EDARADD: variants seen among roughly 807,000 people sequenced by gnomAD.
EDARADD encodes ectodysplasin-A receptor-associated adapter protein.
A neutral mutation model predicts 25.6 loss-of-function variants in EDARADD; 20 were observed. The ratio of observed to expected loss-of-function variants is 0.78; its 90% CI spans 0.55 to 1.14. The LOEUF is 1.14. Among genes scored for constraint, EDARADD ranks in the 50% most tolerant of loss-of-function variants. The pLI, the probability that EDARADD is intolerant of heterozygous loss-of-function variation, is 0.00. For missense variants in EDARADD, 225 were observed against 270.1 expected (o/e 0.83, Z 1.17); for synonymous variants, 86 against 94.4 (o/e 0.91, Z 0.52).
Position 236,482,478 on chromosome 1 carries a change from G to A in EDARADD, c.477G>A (p.Arg159=), listed in dbSNP as rs755696159. 58 of 1,613,814 alleles carry A rather than the reference G, an allele frequency of 3.6e-5. No homozygotes were observed. In the South Asian group the frequency reaches 6.3e-4, roughly 17 times the overall value. Residue 159 remains arginine, a synonymous_variant, in exon 6 of 6, where the codon AGG becomes AGA. Coordinates refer to ENST00000334232, the MANE Select transcript of EDARADD (RefSeq NM_145861.4). ...SYDELCFLEQ[R]PQSPTLEFLL... is the part of the protein sequence containing the mutation. ...ACGAATTGTGCTTCCTGGAGCAGAG[G>A]CCACAGAGCCCCACCTTGGAGTTCT...
chr1:236,408,304 G>A (rs1257239802), intron 1 of EDARADD, among the ~76,000 whole-genome samples: 1 of 152,138 alleles, frequency 6.6e-6, no homozygotes, highest in Non-Finnish European at 1.5e-5. Flanking sequence ...CCAGGTTCAA[G>A]CTATTCTTCT....
At position 236,415,188 on chromosome 1, in the gene EDARADD, A is replaced by T. The variant is rs937931218; in HGVS notation, c.160+889A>T. Among the ~76,000 whole-genome samples the T allele has an allele frequency of 6.1e-4, 93 of 152,072 alleles. 1 individual carries two copies. The highest frequency in any genetic ancestry group is 2.1e-4 in the Non-Finnish European group (14 of 67,996). On this transcript the variant is annotated intron_variant, in intron 3 of 5. Coordinates refer to ENST00000334232, the MANE Select transcript of EDARADD (RefSeq NM_145861.4). ...TAAATCAGCTATTGTCATCAGGAGG[A>T]TGGAGGACATTGGCCAGGTCTGAGC...
At chr1:236,435,610 A>T (rs1658229115) in intron 4 of EDARADD, among the ~76,000 whole-genome samples, 1 of 152,224 alleles carries the variant, frequency 6.6e-6, no homozygotes, top group East Asian at 1.9e-4. Flanking sequence ...AGAAGTGAGT[A>T]TGAGAATGTT....
intron 3 of EDARADD, among the ~76,000 whole-genome samples, chr1:236,368,113 T>G (rs114761060): frequency 0.021 from 3,144 of 152,032 alleles, 105 homozygotes; most frequent in African/African-American, 0.071. Context: ...CTGTCTCAAA[T>G]AAAAAGAAAA....
intron 5 of EDARADD, among the ~76,000 whole-genome samples, chr1:236,480,288 A>C (rs976331578): frequency 2.6e-5 from 4 of 151,916 alleles, no homozygotes; most frequent in Non-Finnish European, 5.9e-5. Flanking sequence ...TCCATCAAGT[A>C]GCACAATCAT....
intron 4 of EDARADD, among the ~76,000 whole-genome samples, chr1:236,459,339 C>T (rs1000977725): frequency 6.6e-6 from 1 of 152,140 alleles, no homozygotes; most frequent in Non-Finnish European, 1.5e-5. Context: ...CTACATCCTA[C>T]ACAAAGGCAA....
chr1:236,405,874 C>CTTCCTTCTTTCTTTCTTTCTTTCT (rs56931070), intron 1 of EDARADD, among the ~76,000 whole-genome samples: 4 of 30,892 alleles, frequency 1.3e-4, no homozygotes, highest in East Asian at 3.4e-3. Flanking sequence ...TCCTTCCTTC[C>CTTCCTTCTTTCTTTCTTTCTTTCT]TTCTTTCTTT....
At chr1:236,372,594 G>T (rs529062319) in intron 3 of EDARADD, among the ~76,000 whole-genome samples, 2 of 152,160 alleles carry the variant, frequency 1.3e-5, no homozygotes, top group East Asian at 3.9e-4. Flanking sequence ...AATGAGTTAG[G>T]TTCCCTCCAC....
intron 1 of EDARADD, among the ~76,000 whole-genome samples, chr1:236,403,464 T>G (rs1216516711): frequency 6.6e-6 from 1 of 151,766 alleles, no homozygotes; most frequent in Non-Finnish European, 1.5e-5. Context: ...ATTTTTTGTA[T>G]TTTTAGTAGA....
At chr1:236,349,163 G>C (rs141498456) in intron 2 of EDARADD, among the ~76,000 whole-genome samples, 4 of 142,802 alleles carry the variant, frequency 2.8e-5, no homozygotes, top group South Asian at 2.4e-4. Context: ...CTACAGGCAG[G>C]CACCATGGTG....
chr1:236,376,014 C>A (rs1667220319), intron 3 of EDARADD, among the ~76,000 whole-genome samples: 1 of 149,938 alleles, frequency 6.7e-6, no homozygotes, highest in Admixed American at 6.7e-5. Flanking sequence ...GGCTCACTAC[C>A]ACCTCTGCCT....
intron 1 of EDARADD, among the ~76,000 whole-genome samples, chr1:236,400,320 C>G (rs1246881294): frequency 5.3e-5 from 8 of 152,132 alleles, no homozygotes; most frequent in African/African-American, 1.9e-4. Context: ...GGCTGACACA[C>G]TTAATGCTCG....
rs112393651 is a variant in EDARADD, at chr1:236,377,149, GTTTATTTA to G, written c.-6+26326_-6+26333del. ...TATATATATATATGTTATATATTTTGTTTATTTATTTATTTATTTATTTTGAGACAGAG... is the reference window on the plus strand; with the variant it reads ...TATATATATATATGTTATATATTTTGTTTATTTATTTATTTTGAGACAGAG... On this transcript the variant is annotated intron_variant, in intron 3 of 7. Transcript: ENST00000439430. 7.8e-4 allele frequency among the ~76,000 whole-genome samples: 114 copies of G among 145,906 alleles called. 1 individual carries two copies. The highest frequency in any genetic ancestry group is 2.7e-3 in the African/African-American group (106 of 39,796).
chr1:236,477,486 A>G (rs1377495595), intron 5 of EDARADD, among the ~76,000 whole-genome samples: 1 of 152,180 alleles, frequency 6.6e-6, no homozygotes, highest in South Asian at 2.1e-4. Flanking sequence ...AAAACCGTAC[A>G]GTGTTTCTCA....
chr1:236,389,564 A>G (rs1205221482), upstream of EDARADD, among the ~76,000 whole-genome samples: 1 of 152,202 alleles, frequency 6.6e-6, no homozygotes, highest in Middle Eastern at 3.2e-3. Context: ...TCTCTGACAA[A>G]CAGAAATCAA....
intron 4 of EDARADD, among the ~76,000 whole-genome samples, chr1:236,447,216 C>CT (rs1407841622): frequency 0.015 from 523 of 34,484 alleles, 3 homozygotes; most frequent in African/African-American, 0.038. Flanking sequence ...TTCTTTCTTT[C>CT]TTTCTTTCCT....
intron 1 of EDARADD, among the ~76,000 whole-genome samples, chr1:236,397,325 G>C (rs1350647061): frequency 2.0e-5 from 3 of 152,132 alleles, no homozygotes; most frequent in Admixed American, 2.0e-4. Context: ...CAGGAGGATT[G>C]CTTGAGTCCA....
intron 3 of EDARADD, among the ~76,000 whole-genome samples, chr1:236,416,636 T>A (rs1199569128): frequency 6.6e-6 from 1 of 152,206 alleles, no homozygotes; most frequent in Non-Finnish European, 1.5e-5. Flanking sequence ...ATTTTTTTCT[T>A]AGATCAAGGA....
chr1:236,405,725 TTTTCTTTC>T (rs1227603633), intron 1 of EDARADD, among the ~76,000 whole-genome samples: 4,884 of 120,436 alleles, frequency 0.041, 180 homozygotes, highest in East Asian at 0.052. Context: ...CTTCCTTTCT[TTTTCTTTC>T]TTTCTTTCTT....
Sources: gnomAD v4.1 joint callset for allele counts (sites outside exome capture counted in the v4.1 genomes callset) on GRCh38, gnomAD v4.1.1 for gene constraint, MANE v1.5 for transcripts, NCBI Gene and HGNC (gene_info 2026-07-23, HGNC 2026-07-21) for gene names.